DYSF: variants seen among roughly 807,000 people sequenced by gnomAD.
The protein encoded by DYSF is dysferlin.
A neutral mutation model predicts 274.9 loss-of-function variants in DYSF; 212 were observed. That is an observed-to-expected ratio of 0.77 (90% CI 0.69 to 0.86). The LOEUF (loss-of-function observed/expected upper bound fraction) is 0.86, where lower values mean the gene tolerates loss of function less well. Ranked by LOEUF, DYSF falls within the 40% of genes least tolerant of loss-of-function variation. DYSF has a pLI of 0.00. For synonymous variants in DYSF, 1,091 were observed against 1,078.7 expected (o/e 1.01, Z -0.22); for missense variants, 2,666 against 2,783.2 (o/e 0.96, Z 0.95).
At chr2:71,540,365 T>C (rs960187081) in intron 17 of DYSF, among the ~76,000 whole-genome samples, 1 of 152,034 alleles carries the variant, frequency 6.6e-6, no homozygotes, top group East Asian at 1.9e-4. Flanking sequence ...CACCTCGGCC[T>C]CCCAAAGTGC....
At chr2:71,651,460 A>C (rs1185330618) in intron 42 of DYSF, among the ~76,000 whole-genome samples, 1 of 152,124 alleles carries the variant, frequency 6.6e-6, no homozygotes, top group Admixed American at 6.5e-5. Context: ...TGTGAAGGAA[A>C]AGAGAAACAG....
chr2:71,558,090 G>A (rs1323853176), intron 22 of DYSF, among the ~76,000 whole-genome samples: 1 of 152,154 alleles, frequency 6.6e-6, no homozygotes, highest in Non-Finnish European at 1.5e-5. Flanking sequence ...GCACAGAGAG[G>A]TTAACTTGCC....
Position 71,466,817 on chromosome 2 carries a change from C to G in DYSF, c.-26C>G, listed in dbSNP as rs1417562496. 20 of 1,504,292 alleles carry G rather than the reference C, an allele frequency of 1.3e-5. No homozygotes were observed. The highest frequency in any genetic ancestry group is 1.7e-5 in the Non-Finnish European group (19 of 1,113,558). 93.2% of individuals were successfully genotyped at this position (1,504,292 alleles called of 1,614,324 possible). A position where few individuals can be genotyped will look rare whatever the true frequency, so the allele number is the denominator to read the frequency against. ...TCCCGCTCCCGCCCTGACTGCGCGC[C>G]TGTGTGCCGCCGGGGCTGCCCAGCC... On this transcript the variant is annotated 5_prime_UTR_variant, in exon 1 of 56. Transcript: ENST00000410020.
At chr2:71,590,729 G>C (rs957458170) in intron 32 of DYSF, among the ~76,000 whole-genome samples, 3 of 152,092 alleles carry the variant, frequency 2.0e-5, no homozygotes, top group Non-Finnish European at 4.4e-5. Flanking sequence ...TTGCTCCCCA[G>C]CTCCCCCCAC....
rs10175244 is a variant in DYSF at position 71,562,301 on chromosome 2, A to G, written c.2409+357A>G. On this transcript the variant is annotated intron_variant, in intron 23 of 55. Coordinates refer to ENST00000410020, the MANE Select transcript of DYSF (RefSeq NM_001130987.2). ...CAGCTTCCCCAGGTTCCCGACTCCT[A>G]CTTCCTGCCAGCCAGTGCCTGTCTG... is the stretch of plus-strand genomic sequence containing the variant. Among the ~76,000 whole-genome samples the G allele has an allele frequency of 6.8e-3, 1,041 of 152,172 alleles. 16 individuals are homozygous for G. Among genetic ancestry groups the G allele is most frequent in the African/African-American group, 0.024 (1,007 of 41,504 alleles).
chr2:71,551,003 C>T (rs1370658903), intron 17 of DYSF, 38 bp from the exon 18 acceptor site: 1 of 1,595,784 alleles, frequency 6.3e-7, no homozygotes, highest in South Asian at 1.1e-5. Context: ...GGAAGCCCCA[C>T]TGGGCCGACC....
intron 32 of DYSF, among the ~76,000 whole-genome samples, chr2:71,593,435 C>T (rs191206741): frequency 6.6e-6 from 1 of 152,236 alleles, no homozygotes; most frequent in African/African-American, 2.4e-5. Flanking sequence ...CCGGCCAGTT[C>T]AATGACTTCT....
chr2:71,594,455 G>T (rs2093352716), intron 32 of DYSF, among the ~76,000 whole-genome samples: 1 of 152,178 alleles, frequency 6.6e-6, no homozygotes, highest in Non-Finnish European at 1.5e-5. Context: ...GGCGGCTGCA[G>T]GGAGGGAGCC....
chr2:71,649,273 A>T (rs2094616406), intron 42 of DYSF, among the ~76,000 whole-genome samples: 1 of 152,160 alleles, frequency 6.6e-6, no homozygotes, highest in Non-Finnish European at 1.5e-5. Context: ...GGTAAAACTG[A>T]CAAAAATTAG....
upstream of DYSF, among the ~76,000 whole-genome samples, chr2:71,463,485 A>G (rs2081370591): frequency 6.6e-6 from 1 of 152,072 alleles, no homozygotes; most frequent in African/African-American, 2.4e-5. Context: ...CGGGGCTCCC[A>G]CCTGTTCCCA....
intron 36 of DYSF, chr2:71,611,000 G>C (rs138444225): frequency 1.8e-6 from 1 of 557,282 alleles, no homozygotes; most frequent in Non-Finnish European, 3.3e-6. Flanking sequence ...ACGGGATTCA[G>C]TTGGAACAAG....
intron 3 of DYSF, among the ~76,000 whole-genome samples, chr2:71,483,669 C>T (rs949234369): frequency 3.9e-5 from 6 of 152,128 alleles, no homozygotes; most frequent in Non-Finnish European, 7.4e-5. Context: ...CGCATGCTGT[C>T]TTATATACAA....
chr2:71,516,900 G>A, intron 9 of DYSF, 89 bp from the exon 10 acceptor site: 1 of 1,193,798 alleles, frequency 8.4e-7, no homozygotes, highest in South Asian at 1.2e-5. Flanking sequence ...AGTGTTGGCA[G>A]TTATTGTTTG....
chr2:71,631,976 T>G (rs1202739172), intron 41 of DYSF, among the ~76,000 whole-genome samples: 1 of 151,972 alleles, frequency 6.6e-6, no homozygotes, highest in Non-Finnish European at 1.5e-5. Flanking sequence ...ACATAACCCC[T>G]CCACCACCCC....
At chr2:71,665,348 A>G (rs1425553096) in intron 47 of DYSF, 44 bp downstream of exon 47, 2 of 1,613,070 alleles carry the variant, frequency 1.2e-6, no homozygotes, top group East Asian at 2.2e-5. Flanking sequence ...CTCTCGCTGT[A>G]TCCCTCCCTC....
intron 17 of DYSF, among the ~76,000 whole-genome samples, chr2:71,544,456 G>GTTT (rs759506371): frequency 1.0e-5 from 1 of 97,134 alleles, no homozygotes; most frequent in East Asian, 2.1e-4. Flanking sequence ...TTTTAAAAAT[G>GTTT]TTCTTTTTTT....
upstream of DYSF, among the ~76,000 whole-genome samples, chr2:71,463,392 A>G (rs557539104): frequency 3.9e-3 from 592 of 152,270 alleles, 4 homozygotes; most frequent in Middle Eastern, 0.017. Flanking sequence ...GAGTGCAGGG[A>G]TGCCTGGATC....
rs913954682 is a variant in DYSF at position 71,634,101 on chromosome 2, C to G, written c.4528-9864C>G. ...CTATTAGCTGAAACTGGAGAGGCTTCCAGTCCATGCCTTGGTCGGACTTAC... is the reference window on the plus strand; with the variant it reads ...CTATTAGCTGAAACTGGAGAGGCTTGCAGTCCATGCCTTGGTCGGACTTAC... On this transcript the variant is annotated intron_variant, in intron 41 of 55. Coordinates refer to ENST00000410020, the MANE Select transcript of DYSF (RefSeq NM_001130987.2). 2.6e-5 allele frequency among the ~76,000 whole-genome samples: 4 copies of G among 152,180 alleles called. No individual in the cohort carries two copies. The South Asian group carries it at 8.3e-4, about 32-fold the overall frequency.
At chr2:71,495,942 C>G (rs373311835) in intron 3 of DYSF, among the ~76,000 whole-genome samples, 3 of 151,958 alleles carry the variant, frequency 2.0e-5, no homozygotes, top group East Asian at 4.0e-4. Context: ...GGCATCCTAC[C>G]ACAGGGTTGC....
Sources: gnomAD v4.1 joint callset for allele counts (sites outside exome capture counted in the v4.1 genomes callset) on GRCh38, gnomAD v4.1.1 for gene constraint, MANE v1.5 for transcripts, NCBI Gene and HGNC (gene_info 2026-07-23, HGNC 2026-07-21) for gene names.